NUP42: variants seen among roughly 807,000 people sequenced by gnomAD.
NUP42 encodes the protein nucleoporin 42, also known as nucleoporin NUP42.
Under a neutral mutation model 35.9 loss-of-function variants are expected in NUP42, and 47 were observed. The observed-to-expected ratio is 1.31, with a 90% CI of 1.04 to 1.67. The LOEUF (loss-of-function observed/expected upper bound fraction) is 1.67, where lower values mean the gene tolerates loss of function less well. Ranked by LOEUF, NUP42 falls within the 40% of genes most tolerant of loss-of-function variation. The pLI, the probability that NUP42 is intolerant of heterozygous loss-of-function variation, is 0.00. For missense variants in NUP42, 514 were observed against 492.2 expected (o/e 1.04, Z -0.42); for synonymous variants, 173 against 173.3 (o/e 1.00, Z 0.01).
rs1583763461 is a variant in NUP42, at chr7:23,188,461, T to C, written c.445+1315T>C. On this transcript the variant is annotated intron_variant, in intron 3 of 6. Transcript: ENST00000258742. ...ATTAAGCCCTTAATCAGCTTAAGTA[T>C]TAGTACTTGAGTATTAATCCATTCC... 4 of 985,346 alleles carry C rather than the reference T, an allele frequency of 4.1e-6. No individual in the cohort carries two copies. The East Asian group carries it at 3.4e-4, about 84-fold the overall frequency. 61.0% of individuals were successfully genotyped at this position (985,346 alleles called of 1,614,324 possible).
In NUP42 at chr7:23,196,708, A is replaced by C; in HGVS notation, c.551A>C (p.Gln184Pro). ...YLNSVQRLIN[Q>P]WRNRVNELKS... ...AATTCTGTCCAACGTTTAATAAATC[A>C]ATGGAGGAACAGGGTAAATGAACTG... Residue 184 changes from glutamine (Q) to proline (P), a missense_variant, in exon 5 of 7, where the codon CAA (glutamine) becomes CCA (proline). Gln to Pro is a moderately conservative substitution (Grantham distance 76, BLOSUM62 -1). Coordinates refer to ENST00000258742, the MANE Select transcript of NUP42 (RefSeq NM_007342.3). 1 of 1,612,400 alleles carries C rather than the reference A, an allele frequency of 6.2e-7. No homozygotes were observed. Among genetic ancestry groups the C allele is most frequent in the South Asian group, 1.1e-5 (1 of 91,012 alleles).
intron 3 of NUP42, among the ~76,000 whole-genome samples, chr7:23,187,812 G>A (rs555142527): frequency 2.0e-5 from 3 of 151,208 alleles, no homozygotes; most frequent in Admixed American, 2.0e-4. Context: ...TACCATGTTG[G>A]CCAGTCTAGT....
chr7:23,199,495 C>T lies in NUP42; in HGVS notation c.647C>T (p.Pro216Leu), dbSNP rs775980109. Residue 216 changes from proline (P) to leucine (L), a missense_variant, in exon 6 of 7, where the codon CCT becomes CTT. Coordinates refer to ENST00000258742, the MANE Select transcript of NUP42 (RefSeq NM_007342.3). ...AAGGATGGAGTAAATCAAGCAGCACCTGCATTTGGATTTGGCAGCAGTCAA... is the reference window on the plus strand; with the variant it reads ...AAGGATGGAGTAAATCAAGCAGCACTTGCATTTGGATTTGGCAGCAGTCAA... ...DVKDGVNQAA[P>L]AFGFGSSQAA... The T allele has an allele frequency of 6.2e-7, 1 of 1,614,054 alleles. No individual in the cohort carries two copies. The highest frequency in any genetic ancestry group is 1.1e-5 in the South Asian group (1 of 91,078).
At chr7:23,189,521 G>C (rs1006881801) in intron 3 of NUP42, among the ~76,000 whole-genome samples, 4 of 152,182 alleles carry the variant, frequency 2.6e-5, no homozygotes, top group Admixed American at 1.3e-4. Flanking sequence ...AGGCTGAGGT[G>C]GGGGGATCAC....
intron 2 of NUP42, 46 bp from the exon 3 acceptor site, chr7:23,187,006 C>A: frequency 2.4e-6 from 3 of 1,259,534 alleles, no homozygotes; most frequent in South Asian, 1.4e-5. Flanking sequence ...TTTTACCAAG[C>A]AGCTAAGAAG....
At chr7:23,198,202 A>ATTAT in intron 5 of NUP42, 1 of 107,206 alleles carries the variant, frequency 9.3e-6, no homozygotes, top group Admixed American at 9.2e-5. Context: ...AAACAAAAGC[A>ATTAT]TTCTTTTTTT....
chr7:23,199,373 T>G (rs1361539939), intron 5 of NUP42, 85 bp from the exon 6 acceptor site: 2 of 1,172,132 alleles, frequency 1.7e-6, no homozygotes, highest in African/African-American at 1.5e-5. Context: ...TTTTAAAAAC[T>G]TGAATTTGTC....
At chr7:23,185,445 G>A (rs1001322437) in intron 2 of NUP42, 147 bp downstream of exon 2, 2 of 645,490 alleles carry the variant, frequency 3.1e-6, no homozygotes, top group African/African-American at 1.8e-5. Flanking sequence ...TTAAATCAGA[G>A]TAGCAAAAAG....
At chr7:23,195,099 GT>G (rs1335713984) in intron 3 of NUP42, 1 of 152,158 alleles carries the variant, frequency 6.6e-6, no homozygotes, top group African/African-American at 2.4e-5. Flanking sequence ...ATTTCCCAAG[GT>G]TAAATCCTAT....
At chr7:23,183,886 C>CTTTT (rs58061757) in intron 1 of NUP42, among the ~76,000 whole-genome samples, 2 of 128,822 alleles carry the variant, frequency 1.6e-5, no homozygotes, top group African/African-American at 2.9e-5. Context: ...GCAATCTCCA[C>CTTTT]TTTTTTTTTT....
At chr7:23,195,590 TTTG>T (rs1339983753) in intron 3 of NUP42, 16 of 339,964 alleles carry the variant, frequency 4.7e-5, no homozygotes, top group African/African-American at 2.4e-4. Context: ...TTCTCCTGTG[TTTG>T]TTGTTCATTC....
rs1026122772 is a variant in NUP42 at position 23,188,001 on chromosome 7, TTTTTTA to T, written c.445+867_445+872del. ...AGAATATTCTCTCTCTCTTTTTTTATTTTTTATTTTTATTTTTTTTTTTGTCCATAG... is the reference window on the plus strand; with the variant it reads ...AGAATATTCTCTCTCTCTTTTTTTATTTTTTATTTTTTTTTTTGTCCATAG... On this transcript the variant is annotated intron_variant, in intron 3 of 6. Coordinates refer to ENST00000258742, the MANE Select transcript of NUP42 (RefSeq NM_007342.3). 1.6e-5 allele frequency: 16 copies of T among 1,009,240 alleles called. No homozygotes were observed. The African/African-American group carries it at 2.6e-4, about 16-fold the overall frequency. The allele number at this position is 1,009,240 out of a possible 1,614,324, so 62.5% of individuals were successfully genotyped here. A position where few individuals can be genotyped will look rare whatever the true frequency, so the allele number is the denominator to read the frequency against.
At chr7:23,199,124 TTTTCTTTTTTTGAGTCAGAG>T (rs1440054662) in intron 5 of NUP42, among the ~76,000 whole-genome samples, 1 of 152,210 alleles carries the variant, frequency 6.6e-6, no homozygotes, top group African/African-American at 2.4e-5. Flanking sequence ...TTTTCTTCTC[TTTTCTTTTTTTGAGTCAGAG>T]TCTTACTTTG....
Position 23,187,087 on chromosome 7 carries a change from C to A in NUP42, c.386C>A (p.Ser129Ter). ...GTAAAAGATATGGAGGTTTGGGAAT[C>A]ATCAGGGCAGTGGATGTTTTCTGTT... is the stretch of plus-strand genomic sequence containing the variant. ...GIVKDMEVWESSGQWMFSVYS... is the reference protein window; with the variant it reads ...GIVKDMEVWE Residue 129 changes from serine (S) to a stop codon, truncating the protein, a stop_gained, in exon 3 of 7, where the codon TCA becomes TAA. Coordinates refer to ENST00000258742, the MANE Select transcript of NUP42 (RefSeq NM_007342.3). LOFTEE classifies it high-confidence loss of function. 1 of 1,603,802 alleles carries A rather than the reference C, an allele frequency of 6.2e-7. No individual in the cohort carries two copies. Among genetic ancestry groups the A allele is most frequent in the Non-Finnish European group, 8.5e-7 (1 of 1,175,530 alleles).
intron 3 of NUP42, among the ~76,000 whole-genome samples, chr7:23,191,033 G>A (rs1346149402): frequency 6.6e-6 from 1 of 152,222 alleles, no homozygotes; most frequent in Admixed American, 6.5e-5. Flanking sequence ...TCAGTTATGG[G>A]AAGATTTGGG....
At position 23,197,194 on chromosome 7, in the gene NUP42, A is replaced by G. The variant is rs191260416; in HGVS notation, c.609+428A>G. 1.8e-4 allele frequency: 228 copies of G among 1,300,734 alleles called. 1 individual carries two copies. The highest frequency in any genetic ancestry group is 1.6e-5 in the Non-Finnish European group (16 of 986,014). 80.6% of individuals were successfully genotyped at this position (1,300,734 alleles called of 1,614,324 possible). A position where few individuals can be genotyped will look rare whatever the true frequency, so the allele number is the denominator to read the frequency against. The stretch of plus-strand genomic sequence containing the variant: ...ACAGAAATGCCTTTGGAAGATATAT[A>G]CCCACCTGTCTCCAAAGATCTATGG... On this transcript the variant is annotated intron_variant, in intron 5 of 6. Coordinates refer to ENST00000258742, the MANE Select transcript of NUP42 (RefSeq NM_007342.3).
intron 3 of NUP42, among the ~76,000 whole-genome samples, chr7:23,189,812 C>A (rs1704368423): frequency 6.6e-6 from 1 of 150,916 alleles, no homozygotes; most frequent in South Asian, 2.1e-4. Flanking sequence ...ACTTGGGAGG[C>A]TGAGGCAGGA....
chr7:23,194,028 C>T (rs1410233544), intron 3 of NUP42, among the ~76,000 whole-genome samples: 1 of 152,242 alleles, frequency 6.6e-6, no homozygotes, highest in African/African-American at 2.4e-5. Flanking sequence ...GAGTGTGGGG[C>T]CCACCAAGCC....
Position 23,200,706 on chromosome 7 carries a change from T to G in NUP42, c.1233T>G (p.Ile411Met). The G allele has an allele frequency of 6.2e-7, 1 of 1,606,514 alleles. No individual in the cohort carries two copies. The highest frequency in any genetic ancestry group is 8.5e-7 in the Non-Finnish European group (1 of 1,177,154). ...FQSKKFTLGK[I>M]PLKPPPLELL... ...CCAAGAAATTTACTCTGGGAAAAAT[T>G]CCATTAAAGCCTCCACCTCTGGAAC... Residue 411 changes from isoleucine (I) to methionine (M), a missense_variant, in exon 7 of 7, where the codon ATT becomes ATG. Coordinates refer to ENST00000258742, the MANE Select transcript of NUP42 (RefSeq NM_007342.3).
Sources: gnomAD v4.1 joint callset for allele counts (sites outside exome capture counted in the v4.1 genomes callset) on GRCh38, gnomAD v4.1.1 for gene constraint, MANE v1.5 for transcripts, NCBI Gene and HGNC (gene_info 2026-07-23, HGNC 2026-07-21) for gene names.